Variants in WWOX observed in about 807,000 individuals in gnomAD.
WWOX encodes the protein WW domain containing oxidoreductase.
In WWOX, 69 loss-of-function variants were observed where a neutral mutation model predicts 46.2. That is an observed-to-expected ratio of 1.49 (90% CI 1.23 to 1.82). The LOEUF (loss-of-function observed/expected upper bound fraction) is 1.82. Among genes scored for constraint, WWOX ranks in the 40% most tolerant of loss-of-function variants. WWOX has a pLI of 0.00. For missense variants in WWOX, 919 were observed against 542.6 expected (o/e 1.69, Z -6.89); for synonymous variants, 359 against 202.6 (o/e 1.77, Z -6.56).
intron 6 of WWOX, among the ~76,000 whole-genome samples, chr16:78,419,689 C>G (rs1244054072): frequency 7.7e-6 from 1 of 129,792 alleles, no homozygotes; most frequent in South Asian, 2.6e-4. Flanking sequence ...AACTATACAA[C>G]TCTTAGAAGC....
At chr16:78,328,258 A>G (rs1163813569) in intron 5 of WWOX, among the ~76,000 whole-genome samples, 1 of 152,146 alleles carries the variant, frequency 6.6e-6, no homozygotes. Context: ...GCAAAACTTG[A>G]TTTGGAATTG....
chr16:78,542,923 G>C (rs1489446598), intron 8 of WWOX, among the ~76,000 whole-genome samples: 1 of 152,150 alleles, frequency 6.6e-6, no homozygotes, highest in East Asian at 1.9e-4. Flanking sequence ...TCTTTCTGTA[G>C]CCAGAACCAA....
intron 8 of WWOX, among the ~76,000 whole-genome samples, chr16:79,007,781 T>C (rs1439870137): frequency 2.0e-5 from 3 of 152,192 alleles, no homozygotes; most frequent in African/African-American, 4.8e-5. Flanking sequence ...ACCAAAGCTA[T>C]TTAATATTTA....
At chr16:79,053,236 AC>A (rs1199415409) in intron 8 of WWOX, among the ~76,000 whole-genome samples, 1 of 152,212 alleles carries the variant, frequency 6.6e-6, no homozygotes. Context: ...TTGCACACAT[AC>A]GTAATTACAA....
intron 5 of WWOX, among the ~76,000 whole-genome samples, chr16:78,291,827 A>G (rs1415856264): frequency 6.6e-6 from 1 of 152,176 alleles, no homozygotes; most frequent in Non-Finnish European, 1.5e-5. Flanking sequence ...CCAGGCAAGA[A>G]GCCATCTTTG....
At chr16:79,196,271 T>C (rs955153406) in intron 8 of WWOX, 5 of 152,358 alleles carry the variant, frequency 3.3e-5, no homozygotes, top group Admixed American at 2.6e-4. Context: ...ATTACACATA[T>C]ACAAATTACT....
chr16:78,463,262 TG>T (rs1183284620), intron 8 of WWOX, among the ~76,000 whole-genome samples: 1 of 152,142 alleles, frequency 6.6e-6, no homozygotes, highest in East Asian at 1.9e-4. Context: ...ATGTTGGAGG[TG>T]CCCTTGCAGG....
intron 8 of WWOX, among the ~76,000 whole-genome samples, chr16:78,819,640 C>T (rs1229013382): frequency 1.3e-5 from 2 of 152,212 alleles, no homozygotes; most frequent in African/African-American, 4.8e-5. Flanking sequence ...ACTGTCCCTT[C>T]AATAAAAGTT....
rs558308291 is a variant in WWOX at position 78,197,487 on chromosome 16, AT to A, written c.516+33205del. Among the ~76,000 whole-genome samples the A allele has an allele frequency of 1.9e-3, 293 of 152,228 alleles. 1 individual carries two copies. The highest frequency in any genetic ancestry group is 5.5e-3 in the African/African-American group (228 of 41,550). On this transcript the variant is annotated intron_variant, in intron 5 of 8. Coordinates refer to ENST00000566780, the MANE Select transcript of WWOX (RefSeq NM_016373.4). ...CATCAAAATGTCTTTGGGATTAAAA[AT>A]TTTTTTCATATGTTTTGAGGTCAAT...
chr16:78,536,128 T>G (rs1359207869), intron 8 of WWOX, among the ~76,000 whole-genome samples: 1 of 152,156 alleles, frequency 6.6e-6, no homozygotes, highest in African/African-American at 2.4e-5. Context: ...TTCCCTCCTA[T>G]TATATCCTTA....
In WWOX at chr16:78,968,684, G is replaced by A. The variant is rs189324294; in HGVS notation, c.1057-242924G>A. Among the ~76,000 whole-genome samples the A allele has an allele frequency of 2.5e-3, 385 of 152,318 alleles. 2 individuals are homozygous for A. Among genetic ancestry groups the A allele is most frequent in the Non-Finnish European group, 3.7e-3 (249 of 68,030 alleles). On this transcript the variant is annotated intron_variant, in intron 8 of 8. Coordinates refer to ENST00000566780, the MANE Select transcript of WWOX (RefSeq NM_016373.4). ...AGGCTGATATCGGGAGAGGCAGAAT[G>A]TGTCTTTTCTTTCTTCTTCCTCTTC...
intron 8 of WWOX, among the ~76,000 whole-genome samples, chr16:78,464,514 A>G (rs74554162): frequency 0.017 from 2,658 of 152,264 alleles, 92 homozygotes; most frequent in African/African-American, 0.061. Flanking sequence ...GGTGCTTACC[A>G]TGTGCCATAT....
intron 8 of WWOX, chr16:78,996,309 A>T (rs1429321723): frequency 3.1e-6 from 3 of 983,082 alleles, no homozygotes; most frequent in Admixed American, 6.2e-5. Flanking sequence ...TGCCTTGTGG[A>T]TGTTTTTCTA....
chr16:78,592,154 A>C (rs146298595), intron 8 of WWOX, among the ~76,000 whole-genome samples: 1 of 152,344 alleles, frequency 6.6e-6, no homozygotes, highest in South Asian at 2.1e-4. Flanking sequence ...AAAGAACAGC[A>C]TGGTACAAAA....
intron 5 of WWOX, among the ~76,000 whole-genome samples, chr16:78,295,388 A>G (rs1255104026): frequency 6.6e-6 from 1 of 152,126 alleles, no homozygotes; most frequent in African/African-American, 2.4e-5. Context: ...ATTATCTCCA[A>G]CACTGGCTGT....
chr16:78,710,937 T>C (rs1203973393), intron 8 of WWOX, among the ~76,000 whole-genome samples: 1 of 152,084 alleles, frequency 6.6e-6, no homozygotes, highest in Non-Finnish European at 1.5e-5. Flanking sequence ...TTAGAATTTT[T>C]TCTCCTTTCT....
At chr16:78,673,784 C>A (rs1254951169) in intron 8 of WWOX, among the ~76,000 whole-genome samples, 1 of 152,196 alleles carries the variant, frequency 6.6e-6, no homozygotes, top group African/African-American at 2.4e-5. Flanking sequence ...ACAACCCTTT[C>A]TTTGATGTCC....
chr16:78,572,602 CAA>C (rs35178787), intron 8 of WWOX, among the ~76,000 whole-genome samples: 222 of 41,458 alleles, frequency 5.4e-3, no homozygotes, highest in African/African-American at 0.018. Context: ...GACTCTGTCT[CAA>C]AAAAAAAAAA....
intron 8 of WWOX, among the ~76,000 whole-genome samples, chr16:78,487,152 T>C (rs2084658738): frequency 6.6e-6 from 1 of 152,202 alleles, no homozygotes; most frequent in East Asian, 1.9e-4. Context: ...TCAGACTATG[T>C]TTTGCAATTT....
Sources: gnomAD v4.1 joint callset for allele counts (sites outside exome capture counted in the v4.1 genomes callset) on GRCh38, gnomAD v4.1.1 for gene constraint, MANE v1.5 for transcripts, NCBI Gene and HGNC (gene_info 2026-07-23, HGNC 2026-07-21) for gene names.